The following INSR variants were observed in gnomAD, a reference collection of about 807,000 sequenced individuals.
INSR encodes insulin receptor, also known as IR.
INSR carries 67 observed loss-of-function variants against 142.6 expected under a neutral mutation model. That is an observed-to-expected ratio of 0.47 (90% confidence interval 0.39 to 0.58). The LOEUF (loss-of-function observed/expected upper bound fraction) is 0.58, where lower values mean the gene tolerates loss of function less well. Among genes scored for constraint, INSR ranks in the 20% least tolerant of loss-of-function variants. INSR has a pLI of 0.00. For missense variants in INSR, 1,248 were observed against 1,833.2 expected (o/e 0.68, Z 5.83); for synonymous variants, 756 against 743.1 (o/e 1.02, Z -0.28).
chr19:7,275,558 G>A (rs907372451), intron 1 of INSR, among the ~76,000 whole-genome samples: 14 of 152,154 alleles, frequency 9.2e-5, no homozygotes, highest in Non-Finnish European at 1.8e-4. Context: ...CAAGGCGGGT[G>A]GATGACCCAA....
chr19:7,277,924 TCTA>T (rs1331234744), intron 1 of INSR, among the ~76,000 whole-genome samples: 4 of 151,400 alleles, frequency 2.6e-5, no homozygotes, highest in Non-Finnish European at 5.9e-5. Context: ...AAACCCCGTC[TCTA>T]CTAAAAATAC....
chr19:7,129,650 G>A (rs1297927553), intron 14 of INSR, among the ~76,000 whole-genome samples: 1 of 152,118 alleles, frequency 6.6e-6, no homozygotes, highest in Non-Finnish European at 1.5e-5. Flanking sequence ...TTAAAGCAAG[G>A]AGTTCTGCAT....
chr19:7,193,498 G>A (rs1190958750), intron 2 of INSR, among the ~76,000 whole-genome samples: 3 of 151,300 alleles, frequency 2.0e-5, no homozygotes, highest in Non-Finnish European at 4.4e-5. Flanking sequence ...GCGACAGAGT[G>A]AGACTCCATC....
chr19:7,212,192 G>A (rs1975296277), intron 2 of INSR, among the ~76,000 whole-genome samples: 1 of 152,116 alleles, frequency 6.6e-6, no homozygotes, highest in Non-Finnish European at 1.5e-5. Flanking sequence ...CCTAGGGTGA[G>A]AACCACTTGG....
chr19:7,225,699 T>TC lies in INSR; in HGVS notation c.653-41063dup, dbSNP rs59132249. ...TGATGATGGGCTCTTGGTTTCCATT[T>TC]CCCCCCCCTCAAAAAAAGAGCAGAG... On this transcript the variant is annotated intron_variant, in intron 2 of 21. Transcript: ENST00000302850. The surrounding 1 kb of genome is among the most constrained non-coding windows in gnomAD (Gnocchi z 4.7). Among the ~76,000 whole-genome samples the TC allele has an allele frequency of 0.45, 54,691 of 121,492 alleles. 10,412 individuals are homozygous for TC. The highest frequency in any genetic ancestry group is 0.47 in the Middle Eastern group (112 of 240). The allele number at this position is 121,492 out of a possible 152,430, so 79.7% of individuals were successfully genotyped here.
intron 2 of INSR, among the ~76,000 whole-genome samples, chr19:7,246,502 G>T (rs1277443515): frequency 2.6e-5 from 4 of 152,204 alleles, no homozygotes; most frequent in Non-Finnish European, 5.9e-5. Context: ...AGACATGAGA[G>T]AGAAAAGAGC....
At chr19:7,211,766 TC>T (rs1482533265) in intron 2 of INSR, among the ~76,000 whole-genome samples, 2 of 151,988 alleles carry the variant, frequency 1.3e-5, no homozygotes, top group African/African-American at 4.8e-5. Flanking sequence ...TCTGGAACAA[TC>T]CACAACGCTT....
rs1247861408 is a variant in INSR at position 7,166,361 on chromosome 19, C to T, written c.1654G>A (p.Gly552Ser). The T allele has an allele frequency of 6.2e-7, 1 of 1,614,096 alleles. No homozygotes were observed. Among genetic ancestry groups the T allele is most frequent in the Admixed American group, 1.7e-5 (1 of 59,984 alleles). The change falls in exon 8 of 22, where the codon GGT becomes AGT. Residue 552 changes from glycine (G) to serine (S), a missense_variant. By Grantham distance (56) the Gly-to-Ser change is moderately conservative. Around this residue, in one of 3 missense-constraint regions of INSR, gnomAD observed 1,069 missense variants for 1,654.0 expected, o/e 0.65. Transcript: ENST00000302850. The surrounding 1 kb of genome is among the most constrained non-coding windows in gnomAD (Gnocchi z 4.1). Reference protein sequence around the residue: ...VTEFDGQDACGSNSWTVVDID... With the variant: ...VTEFDGQDACSSNSWTVVDID... Reference sequence around the variant, plus strand: ...TCTACCACCGTCCAACTGTTGGAACCACACGCATCCTGCCCGTCGAACTCC... The same window carrying T: ...TCTACCACCGTCCAACTGTTGGAACTACACGCATCCTGCCCGTCGAACTCC...
At chr19:7,163,944 A>T (rs940646566) in intron 8 of INSR, among the ~76,000 whole-genome samples, 1 of 146,308 alleles carries the variant, frequency 6.8e-6, no homozygotes, top group African/African-American at 2.6e-5. Context: ...AAAAAAAAAA[A>T]AAAAATTAGC....
rs1568204425 is a variant in INSR, at chr19:7,229,332, A to ATGGATAGATGGATGGATG, written c.652+38012_652+38013insCATCCATCCATCTATCCA. On this transcript the variant is annotated intron_variant, in intron 2 of 21. Coordinates refer to ENST00000302850, the MANE Select transcript of INSR (RefSeq NM_000208.4). ...TGGATGGATGGATGGATGGATGGAT[A>ATGGATAGATGGATGGATG]GATGGATGGATGGATGGATGGATGG... Among the ~76,000 whole-genome samples the ATGGATAGATGGATGGATG allele has an allele frequency of 8.9e-3, 726 of 81,830 alleles. 5 individuals carry two copies. The highest frequency in any genetic ancestry group is 0.018 in the East Asian group (31 of 1,698). The allele number at this position is 81,830 out of a possible 152,430, so 53.7% of individuals were successfully genotyped here.
intron 2 of INSR, among the ~76,000 whole-genome samples, chr19:7,259,944 G>T (rs1050274006): frequency 6.6e-6 from 1 of 151,838 alleles, no homozygotes; most frequent in Non-Finnish European, 1.5e-5. Context: ...GTTTGAGACC[G>T]ACCTGAGCCA....
intron 2 of INSR, among the ~76,000 whole-genome samples, chr19:7,219,712 GGC>G (rs1232208961): frequency 6.6e-6 from 1 of 152,154 alleles, no homozygotes; most frequent in East Asian, 1.9e-4. Context: ...AACGATTGCT[GGC>G]TCATTTAACT....
intron 2 of INSR, among the ~76,000 whole-genome samples, chr19:7,243,251 T>G (rs1273088665): frequency 7.4e-6 from 1 of 135,162 alleles, no homozygotes; most frequent in South Asian, 2.7e-4. Context: ...TTTTTTTTTT[T>G]TTTTTTTTTT....
rs926255136 is a variant in INSR at position 7,151,012 on chromosome 19, GCTTT to G, written c.2232-484_2232-481del. 6.3e-5 allele frequency among the ~76,000 whole-genome samples: 8 copies of G among 127,688 alleles called. No individual in the cohort carries two copies. The South Asian group carries it at 7.4e-4, about 12-fold the overall frequency. 83.8% of individuals were successfully genotyped at this position (127,688 alleles called of 152,430 possible). On this transcript the variant is annotated intron_variant, in intron 10 of 21. Coordinates refer to ENST00000302850, the MANE Select transcript of INSR (RefSeq NM_000208.4). ...TTTTCCCTCTTTCCTTCCTTCATTT[GCTTT>G]CTTTCTCTTTCCTTCCTTCTTTTTT...
chr19:7,123,947 C>T (rs1387453560), intron 17 of INSR, among the ~76,000 whole-genome samples: 1 of 146,400 alleles, frequency 6.8e-6, no homozygotes, highest in East Asian at 2.1e-4. Flanking sequence ...ATAGGCTGGG[C>T]GTGGTGGCTC....
chr19:7,201,149 A>G (rs1974942536), intron 2 of INSR, among the ~76,000 whole-genome samples: 1 of 152,166 alleles, frequency 6.6e-6, no homozygotes, highest in Non-Finnish European at 1.5e-5. Context: ...TTTACAGGCT[A>G]TTTAGAAATT....
chr19:7,142,697 A>C, intron 12 of INSR, 119 bp downstream of exon 12: 1 of 1,294,812 alleles, frequency 7.7e-7, no homozygotes, highest in Non-Finnish European at 1.1e-6. Context: ...CGTCTCAAAC[A>C]AAAATGAAGG....
intron 2 of INSR, among the ~76,000 whole-genome samples, chr19:7,248,528 T>C (rs1272187944): frequency 1.9e-5 from 2 of 104,118 alleles, no homozygotes; most frequent in South Asian, 3.9e-4. Context: ...TCAACATACA[T>C]ACCCACCCAC....
chr19:7,247,214 C>T (rs1043749815), intron 2 of INSR, among the ~76,000 whole-genome samples: 10 of 152,182 alleles, frequency 6.6e-5, no homozygotes, highest in African/African-American at 2.4e-4. Context: ...GGCTGGGGTT[C>T]TCTCCCACGG....
Sources: gnomAD v4.1 joint callset for allele counts (sites outside exome capture counted in the v4.1 genomes callset) on GRCh38, gnomAD v4.1.1 for gene constraint, gnomAD v4.1.1 regional missense constraint, Gnocchi (gnomAD v3.1) non-coding constraint, MANE v1.5 for transcripts, NCBI Gene and HGNC (gene_info 2026-07-23, HGNC 2026-07-21) for gene names.